CSMD3: variants seen among roughly 807,000 people sequenced by gnomAD.
CSMD3 encodes the protein CUB and Sushi multiple domains 3.
A neutral mutation model predicts 435.2 loss-of-function variants in CSMD3; 177 were observed. The ratio of observed to expected loss-of-function variants is 0.41; its 90% confidence interval spans 0.36 to 0.46. The LOEUF is 0.46. Among genes scored for constraint, CSMD3 ranks in the 20% least tolerant of loss-of-function variants. CSMD3 has a pLI of 0.34. For missense variants in CSMD3, 4,265 were observed against 4,504.6 expected (o/e 0.95, Z 1.52); for synonymous variants, 1,656 against 1,520.5 (o/e 1.09, Z -2.07).
At chr8:112,973,720 T>A (rs1303977317) in intron 7 of CSMD3, among the ~76,000 whole-genome samples, 2 of 151,874 alleles carry the variant, frequency 1.3e-5, no homozygotes, top group Non-Finnish European at 3.0e-5. Context: ...AGGTTTCCCC[T>A]ACTCTTAACA....
chr8:112,886,835 G>A (rs1486761602), intron 10 of CSMD3, among the ~76,000 whole-genome samples: 2 of 151,484 alleles, frequency 1.3e-5, no homozygotes, highest in African/African-American at 2.4e-5. Context: ...CTTATATAAT[G>A]ACTGATACAA....
Position 113,029,529 on chromosome 8 carries a change from T to A in CSMD3, c.918-10350A>T, listed in dbSNP as rs1197744048. Among the ~76,000 whole-genome samples the A allele has an allele frequency of 2.6e-5, 4 of 151,620 alleles. No individual in the cohort carries two copies. The East Asian group carries it at 7.7e-4, about 29-fold the overall frequency. ...AACAGAATTAAAAACAAATATCACA[T>A]GATCATCACAATAGATGCAGCAAAA... On this transcript the variant is annotated intron_variant, in intron 5 of 70. Coordinates refer to ENST00000297405, the MANE Select transcript of CSMD3 (RefSeq NM_198123.2).
chr8:112,345,087 A>T (rs564418242), intron 41 of CSMD3, among the ~76,000 whole-genome samples: 18 of 152,264 alleles, frequency 1.2e-4, no homozygotes, highest in South Asian at 2.1e-4. Flanking sequence ...TAGCTATATC[A>T]GTCTATACAT....
chr8:112,603,129 C>T (rs900231912), intron 22 of CSMD3, among the ~76,000 whole-genome samples: 3 of 152,166 alleles, frequency 2.0e-5, no homozygotes, highest in Non-Finnish European at 4.4e-5. Flanking sequence ...ACACCCACCT[C>T]GCCCTCTCAA....
intron 4 of CSMD3, among the ~76,000 whole-genome samples, chr8:113,118,123 C>G (rs2090889669): frequency 6.6e-6 from 1 of 152,090 alleles, no homozygotes; most frequent in African/African-American, 2.4e-5. Context: ...ACCATGTCAG[C>G]TAAAACAATC....
At chr8:113,310,315 G>A (rs2093857680) in intron 2 of CSMD3, 1 of 151,900 alleles carries the variant, frequency 6.6e-6, no homozygotes, top group Non-Finnish European at 1.5e-5. Context: ...TCTTGACTTT[G>A]TAACATTAAA....
At chr8:113,320,582 T>C (rs1448471798) in intron 1 of CSMD3, among the ~76,000 whole-genome samples, 2 of 152,144 alleles carry the variant, frequency 1.3e-5, no homozygotes, top group Non-Finnish European at 2.9e-5. Flanking sequence ...TTGACATGAC[T>C]CTTGCAAAAA....
chr8:112,323,768 T>C (rs1366999335), intron 45 of CSMD3, among the ~76,000 whole-genome samples: 1 of 152,010 alleles, frequency 6.6e-6, no homozygotes, highest in Non-Finnish European at 1.5e-5. Context: ...TTACATACAG[T>C]GAAGTGATAG....
intron 10 of CSMD3, among the ~76,000 whole-genome samples, chr8:112,913,805 T>A (rs2082497026): frequency 6.6e-6 from 1 of 151,982 alleles, no homozygotes; most frequent in East Asian, 1.9e-4. Context: ...TCTTTCTTTC[T>A]GTCCTTTTTG....
intron 45 of CSMD3, among the ~76,000 whole-genome samples, chr8:112,333,408 C>A (rs531845821): frequency 6.6e-6 from 1 of 152,214 alleles, no homozygotes; most frequent in African/African-American, 2.4e-5. Context: ...CTCAGGTAAT[C>A]CACCTGCCTT....
chr8:113,132,052 A>AG (rs1344867620), intron 4 of CSMD3, among the ~76,000 whole-genome samples: 2 of 152,172 alleles, frequency 1.3e-5, no homozygotes, highest in Non-Finnish European at 2.9e-5. Flanking sequence ...TGGGGCCTAT[A>AG]GCCCCTTTGT....
At chr8:112,815,567 T>A (rs2079350320) in intron 12 of CSMD3, among the ~76,000 whole-genome samples, 1 of 152,134 alleles carries the variant, frequency 6.6e-6, no homozygotes, top group Non-Finnish European at 1.5e-5. Flanking sequence ...CTTTCTATAT[T>A]TTCCCCTAAT....
chr8:112,346,024 C>T (rs771696504), intron 41 of CSMD3, 73 bp downstream of exon 41: 15 of 878,174 alleles, frequency 1.7e-5, no homozygotes, highest in East Asian at 9.7e-5. Flanking sequence ...AATTCTTATT[C>T]GACATTGAAA....
chr8:113,013,793 G>A (rs1248890344), intron 6 of CSMD3, among the ~76,000 whole-genome samples: 1 of 152,052 alleles, frequency 6.6e-6, no homozygotes, highest in African/African-American at 2.4e-5. Context: ...TATCCATTCT[G>A]CCCTCATTCT....
At chr8:112,252,196 G>A (rs207469715) in intron 63 of CSMD3, among the ~76,000 whole-genome samples, 2 of 151,688 alleles carry the variant, frequency 1.3e-5, no homozygotes, top group Admixed American at 6.6e-5. Flanking sequence ...ACTCACTACC[G>A]GCCACCTAAT....
In CSMD3 at chr8:112,295,981, C is replaced by A. The variant is rs1309045257; in HGVS notation, c.8466G>T (p.Leu2822=). Residue 2822 remains leucine (L), a synonymous_variant, in exon 54 of 71, where the codon CTG becomes CTT. Coordinates refer to ENST00000297405, the MANE Select transcript of CSMD3 (RefSeq NM_198123.2). ...CLAGHCGIPE[L]IVNGQVIGEN... Reference sequence around the variant, plus strand: ...CTCCAATGACTTGACCATTCACAATCAGTTCTGGAATTCCACAATGACCCG... The same window carrying A: ...CTCCAATGACTTGACCATTCACAATAAGTTCTGGAATTCCACAATGACCCG... The A allele has an allele frequency of 1.2e-6, 2 of 1,613,170 alleles. No individual in the cohort carries two copies. The highest frequency in any genetic ancestry group is 1.7e-6 in the Non-Finnish European group (2 of 1,179,360).
chr8:113,057,404 T>G (rs2131350283), intron 5 of CSMD3, among the ~76,000 whole-genome samples: 1 of 152,008 alleles, frequency 6.6e-6, no homozygotes, highest in South Asian at 2.1e-4. Flanking sequence ...CAATTTATCT[T>G]TAAGAAAAGA....
At chr8:113,103,263 G>T (rs1041749652) in intron 4 of CSMD3, among the ~76,000 whole-genome samples, 4 of 152,072 alleles carry the variant, frequency 2.6e-5, no homozygotes, top group African/African-American at 9.7e-5. Context: ...GAATGTGGTT[G>T]CTTAACATAC....
At chr8:112,735,623 T>G (rs1374988609) in intron 13 of CSMD3, among the ~76,000 whole-genome samples, 1 of 152,034 alleles carries the variant, frequency 6.6e-6, no homozygotes, top group Non-Finnish European at 1.5e-5. Context: ...AAATAATACT[T>G]GCTGATCCCT....
Sources: allele counts gnomAD v4.1 joint callset (sites outside exome capture counted in the v4.1 genomes callset), GRCh38; gene constraint gnomAD v4.1.1; transcripts MANE v1.5; gene names NCBI Gene and HGNC (gene_info 2026-07-23, HGNC 2026-07-21).